VPS13B: variants seen among roughly 807,000 people sequenced by gnomAD.
VPS13B encodes vacuolar protein sorting 13 homolog B.
A neutral mutation model predicts 426.4 loss-of-function variants in VPS13B; 285 were observed. The ratio of observed to expected loss-of-function variants is 0.67; its 90% CI spans 0.61 to 0.74. The LOEUF (loss-of-function observed/expected upper bound fraction) is 0.74, where lower values mean the gene tolerates loss of function less well. Ranked by LOEUF, VPS13B falls within the 30% of genes least tolerant of loss-of-function variation. VPS13B has a pLI of 0.00. For missense variants in VPS13B, 4,537 were observed against 4,782.6 expected (o/e 0.95, Z 1.51); for synonymous variants, 1,676 against 1,676.4 (o/e 1.00, Z 0.01).
chr8:99,682,551 A>T (rs1474156194), intron 35 of VPS13B, among the ~76,000 whole-genome samples: 1 of 152,176 alleles, frequency 6.6e-6, no homozygotes, highest in African/African-American at 2.4e-5. Flanking sequence ...TCTGATGAAG[A>T]CCAACTTATA....
At chr8:99,869,754 C>A (rs994994725) in intron 59 of VPS13B, among the ~76,000 whole-genome samples, 11 of 152,244 alleles carry the variant, frequency 7.2e-5, no homozygotes, top group African/African-American at 2.7e-4. Flanking sequence ...TAGAGCAGAG[C>A]TTCACATGGC....
chr8:99,297,527 A>T (rs566969968), intron 19 of VPS13B, among the ~76,000 whole-genome samples: 23 of 65,306 alleles, frequency 3.5e-4, no homozygotes, highest in African/African-American at 1.1e-3. Context: ...TAATATGTAA[A>T]ATCATGTGCT....
chr8:99,558,079 C>T (rs1824686864), intron 31 of VPS13B, among the ~76,000 whole-genome samples: 1 of 151,956 alleles, frequency 6.6e-6, no homozygotes, highest in Non-Finnish European at 1.5e-5. Context: ...CCTTTTCTAC[C>T]AAAACTACAT....
intron 21 of VPS13B, among the ~76,000 whole-genome samples, chr8:99,431,042 A>G (rs1045743659): frequency 2.0e-5 from 3 of 152,154 alleles, no homozygotes; most frequent in African/African-American, 7.2e-5. Context: ...AAATTGAGAG[A>G]TTTTATTGGT....
intron 3 of VPS13B, among the ~76,000 whole-genome samples, chr8:99,086,610 A>G (rs1423565035): frequency 6.6e-6 from 1 of 151,998 alleles, no homozygotes; most frequent in African/African-American, 2.4e-5. Flanking sequence ...TTGGTCTTTG[A>G]TGATGGTGAT....
intron 8 of VPS13B, among the ~76,000 whole-genome samples, chr8:99,133,226 A>G (rs147857325): frequency 1.4e-3 from 219 of 152,312 alleles, no homozygotes; most frequent in Admixed American, 5.2e-3. Context: ...CTTTTATGGT[A>G]TGGAGACGTC....
intron 21 of VPS13B, among the ~76,000 whole-genome samples, chr8:99,422,000 G>C (rs1816402635): frequency 1.3e-5 from 2 of 152,124 alleles, no homozygotes; most frequent in Non-Finnish European, 2.9e-5. Flanking sequence ...TAATAAATTT[G>C]TAAAGCACTT....
In VPS13B at chr8:99,853,454, G is replaced by T. The variant is rs61753726; in HGVS notation, c.10065G>T (p.Ala3355=). Residue 3355 remains alanine (A), a synonymous_variant, in exon 56 of 62, where the codon GCG becomes GCT. Transcript: ENST00000357162. The stretch of plus-strand genomic sequence containing the variant: ...TTCTTGTCCCTTTCTCCTCTAGAGC[G>T]CCAGAGAAGATTGTTACATTTAAAA... ...AGPILTNTNR[A]PEKIVTFKMF... is the part of the protein sequence containing the mutation. 0.022 allele frequency: 35,422 copies of T among 1,614,024 alleles called. 430 individuals are homozygous for T. The highest frequency in any genetic ancestry group is 0.03 in the Middle Eastern group (179 of 6,062).
chr8:99,679,851 C>G (rs982676277), intron 35 of VPS13B, among the ~76,000 whole-genome samples: 6 of 152,080 alleles, frequency 3.9e-5, no homozygotes, highest in African/African-American at 1.4e-4. Context: ...TAACAAAAAC[C>G]TGAATTTCAA....
intron 59 of VPS13B, 35 bp from the exon 60 acceptor site, chr8:99,870,750 C>A: frequency 6.3e-7 from 1 of 1,596,652 alleles, no homozygotes. Context: ...TTCCAGAAAA[C>A]AAGTAGTAAA....
At position 99,766,784 on chromosome 8, in the gene VPS13B, G is replaced by T. The variant is rs1811250073; in HGVS notation, c.7061G>T (p.Ser2354Ile). The part of the protein sequence containing the change: ...DLGDVLQVPC[S>I]LEYWDELQKV... ...TTTATTTTAACATAGGTTCCTTGTAGCTTGGAATACTGGGATGAACTCCAG... is the reference window on the plus strand; with the variant it reads ...TTTATTTTAACATAGGTTCCTTGTATCTTGGAATACTGGGATGAACTCCAG... The change falls in exon 40 of 62, where the codon AGC (serine) becomes ATC (isoleucine). Residue 2354 changes from serine to isoleucine, a missense_variant. Physicochemically the swap from Ser to Ile is moderately radical, Grantham distance 142. Transcript: ENST00000357162. 6.2e-7 allele frequency: 1 copy of T among 1,613,446 alleles called. No homozygotes were observed. The highest frequency in any genetic ancestry group is 1.3e-5 in the African/African-American group (1 of 74,870).
At chr8:99,514,107 A>G (rs1821932606) in intron 29 of VPS13B, among the ~76,000 whole-genome samples, 1 of 152,196 alleles carries the variant, frequency 6.6e-6, no homozygotes, top group Admixed American at 6.5e-5. Flanking sequence ...TACCTGTGAG[A>G]GAAACCTACA....
intron 61 of VPS13B, among the ~76,000 whole-genome samples, chr8:99,872,048 G>C (rs1360630807): frequency 6.6e-6 from 1 of 152,196 alleles, no homozygotes; most frequent in Non-Finnish European, 1.5e-5. Flanking sequence ...GTTACAAAAC[G>C]AGTGGGTTGG....
At chr8:99,091,173 G>C (rs1846127653) in intron 3 of VPS13B, among the ~76,000 whole-genome samples, 2 of 152,178 alleles carry the variant, frequency 1.3e-5, no homozygotes, top group South Asian at 4.1e-4. Flanking sequence ...ATGGCTAATG[G>C]TTGAGTCATC....
chr8:99,075,568 A>G (rs1845075009), intron 3 of VPS13B, among the ~76,000 whole-genome samples: 1 of 152,120 alleles, frequency 6.6e-6, no homozygotes, highest in African/African-American at 2.4e-5. Context: ...AAGCTATATC[A>G]ATTGGTCTGT....
chr8:99,064,441 A>G (rs1258354044), intron 3 of VPS13B, among the ~76,000 whole-genome samples: 5 of 152,228 alleles, frequency 3.3e-5, no homozygotes, highest in African/African-American at 1.2e-4. Flanking sequence ...AAACCATGGC[A>G]TGAGAACTAT....
Position 99,860,271 on chromosome 8 carries a change from A to T in VPS13B, c.11044+791A>T, listed in dbSNP as rs112562652. ...CCATGATCCATAGAGCGGGTGAGGGACTGTGGGTGGGAGGGCTGGCAAGAG... is the reference window on the plus strand; with the variant it reads ...CCATGATCCATAGAGCGGGTGAGGGTCTGTGGGTGGGAGGGCTGGCAAGAG... On this transcript the variant is annotated intron_variant, in intron 57 of 61. Coordinates refer to ENST00000357162, the MANE Select transcript of VPS13B (RefSeq NM_152564.5). Among the ~76,000 whole-genome samples, 1,408 of 152,210 alleles carry T rather than the reference A, an allele frequency of 9.3e-3. 23 individuals carry two copies. The highest frequency in any genetic ancestry group is 0.033 in the African/African-American group (1,351 of 41,516).
chr8:99,783,561 GAGAA>G (rs1392048607), intron 42 of VPS13B, among the ~76,000 whole-genome samples: 3 of 152,168 alleles, frequency 2.0e-5, no homozygotes, highest in African/African-American at 7.2e-5. Flanking sequence ...ACCATTAAAT[GAGAA>G]AGGAGTTATC....
At chr8:99,348,855 G>T (rs1279935259) in intron 19 of VPS13B, among the ~76,000 whole-genome samples, 1 of 151,868 alleles carries the variant, frequency 6.6e-6, no homozygotes, top group Non-Finnish European at 1.5e-5. Context: ...AAACGCACAT[G>T]AAATTGAATT....
Sources: allele counts gnomAD v4.1 joint callset (sites outside exome capture counted in the v4.1 genomes callset), GRCh38; gene constraint gnomAD v4.1.1; transcripts MANE v1.5; gene names NCBI Gene and HGNC (gene_info 2026-07-23, HGNC 2026-07-21).